ZFPM2: variants seen among roughly 807,000 people sequenced by gnomAD.
The protein encoded by ZFPM2 is zinc finger protein, FOG family member 2.
In ZFPM2, 20 loss-of-function variants were observed where a neutral mutation model predicts 98.6. The observed-to-expected ratio is 0.20, with a 90% confidence interval of 0.14 to 0.29. The LOEUF (loss-of-function observed/expected upper bound fraction) is 0.29. Among genes scored for constraint, ZFPM2 ranks in the 10% least tolerant of loss-of-function variants. The pLI is 1.00. For synonymous variants in ZFPM2, 518 were observed against 502.7 expected (o/e 1.03, Z -0.41); for missense variants, 1,310 against 1,388.6 (o/e 0.94, Z 0.90).
At chr8:105,548,308 T>C (rs1814759816) in intron 3 of ZFPM2, among the ~76,000 whole-genome samples, 1 of 152,132 alleles carries the variant, frequency 6.6e-6, no homozygotes, top group Admixed American at 6.6e-5. Context: ...TAAGTTTTTC[T>C]AATAAGAAAA....
At chr8:105,791,462 CT>C (rs1227700342) in intron 6 of ZFPM2, among the ~76,000 whole-genome samples, 1 of 151,942 alleles carries the variant, frequency 6.6e-6, no homozygotes, top group African/African-American at 2.4e-5. Context: ...GGTGGATAAG[CT>C]TTTTGATGTG....
At chr8:105,505,729 G>C (rs1228281193) in intron 3 of ZFPM2, among the ~76,000 whole-genome samples, 1 of 151,966 alleles carries the variant, frequency 6.6e-6, no homozygotes, top group African/African-American at 2.4e-5. Flanking sequence ...TTAAGCTAAT[G>C]ATTAATCACT....
chr8:105,692,014 A>G (rs1481739908), intron 5 of ZFPM2, among the ~76,000 whole-genome samples: 1 of 152,228 alleles, frequency 6.6e-6, no homozygotes, highest in Admixed American at 6.5e-5. Flanking sequence ...TTGATCTGAA[A>G]ACATTTTTAG....
chr8:105,776,456 C>G (rs1813107570), intron 5 of ZFPM2, among the ~76,000 whole-genome samples: 1 of 152,160 alleles, frequency 6.6e-6, no homozygotes, highest in Non-Finnish European at 1.5e-5. Flanking sequence ...AAAGAGGATA[C>G]TGTAATTTAG....
intron 3 of ZFPM2, among the ~76,000 whole-genome samples, chr8:105,541,097 T>A (rs1046433992): frequency 2.0e-5 from 3 of 152,124 alleles, no homozygotes; most frequent in Admixed American, 6.6e-5. Flanking sequence ...AGGCAGCTGG[T>A]GCTTGTTTGT....
At chr8:105,475,056 A>G (rs1812985044) in intron 3 of ZFPM2, among the ~76,000 whole-genome samples, 1 of 152,218 alleles carries the variant, frequency 6.6e-6, no homozygotes, top group African/African-American at 2.4e-5. Context: ...ATGGAAAAAC[A>G]TTGGCTAAAA....
chr8:105,779,334 T>C (rs1377331339), intron 5 of ZFPM2, among the ~76,000 whole-genome samples: 1 of 152,236 alleles, frequency 6.6e-6, no homozygotes, highest in East Asian at 1.9e-4. Context: ...CCCCCGTAGC[T>C]GTGCTAGAGG....
intron 5 of ZFPM2, among the ~76,000 whole-genome samples, chr8:105,700,041 G>C (rs182611682): frequency 1.5e-3 from 227 of 152,222 alleles, no homozygotes; most frequent in African/African-American, 4.7e-3. Context: ...GCTTATATTT[G>C]ATCAACCATA....
intron 5 of ZFPM2, among the ~76,000 whole-genome samples, chr8:105,673,262 A>AT (rs368759700): frequency 0.044 from 4,757 of 107,372 alleles, 76 homozygotes; most frequent in Admixed American, 0.065. Context: ...ATCAAGTCTC[A>AT]TTTTTTTTTT....
intron 6 of ZFPM2, among the ~76,000 whole-genome samples, chr8:105,794,389 A>C (rs1813725508): frequency 6.6e-6 from 1 of 152,190 alleles, no homozygotes; most frequent in Admixed American, 6.5e-5. Flanking sequence ...TCTGCAGAAC[A>C]GTGGTTTTTC....
In ZFPM2 at chr8:105,802,087, G is replaced by C. The variant is rs1814040695; in HGVS notation, c.2005G>C (p.Asp669His). Residue 669 changes from aspartate to histidine, a missense_variant, in exon 8 of 8, where the codon GAT becomes CAT. Asp to His is a moderately conservative substitution (Grantham distance 81). Transcript: ENST00000407775. ...NDDKINGKPVDVKNPSVPLVD... is the reference protein window; with the variant it reads ...NDDKINGKPVHVKNPSVPLVD... ...TGACAAAATTAATGGAAAACCTGTT[G>C]ATGTGAAAAATCCCAGTGTCCCCTT... The C allele has an allele frequency of 6.2e-7, 1 of 1,613,758 alleles. No individual in the cohort carries two copies. Among genetic ancestry groups the C allele is most frequent in the Non-Finnish European group, 8.5e-7 (1 of 1,179,844 alleles).
At chr8:105,381,672 T>G (rs1810892616) in intron 1 of ZFPM2, among the ~76,000 whole-genome samples, 1 of 152,158 alleles carries the variant, frequency 6.6e-6, no homozygotes, top group Non-Finnish European at 1.5e-5. Context: ...ATAATATTAA[T>G]AGCTTAAAGA....
chr8:105,320,084 G>C (rs1382908776), intron 1 of ZFPM2, among the ~76,000 whole-genome samples: 1 of 152,080 alleles, frequency 6.6e-6, no homozygotes, highest in African/African-American at 2.4e-5. Context: ...GTAATTTAAG[G>C]ATAAGACTTT....
chr8:105,695,087 A>T (rs779893422), intron 5 of ZFPM2, among the ~76,000 whole-genome samples: 11 of 152,184 alleles, frequency 7.2e-5, no homozygotes, highest in Non-Finnish European at 1.5e-4. Flanking sequence ...TCTACATAGG[A>T]TCAGCATTGA....
At position 105,741,722 on chromosome 8, in the gene ZFPM2, G is replaced by A. The variant is rs528106264; in HGVS notation, c.533-46996G>A. Among the ~76,000 whole-genome samples the A allele has an allele frequency of 3.3e-5, 5 of 151,114 alleles. No homozygotes were observed. The South Asian group carries it at 8.3e-4, about 25-fold the overall frequency. ...TGGATAGGGAAATGTATGATTGCTGGAAAACAATACTGAACCATTTACTGT... is the reference window on the plus strand; with the variant it reads ...TGGATAGGGAAATGTATGATTGCTGAAAAACAATACTGAACCATTTACTGT... On this transcript the variant is annotated intron_variant, in intron 5 of 7. Coordinates refer to ENST00000407775, the MANE Select transcript of ZFPM2 (RefSeq NM_012082.4).
intron 5 of ZFPM2, among the ~76,000 whole-genome samples, chr8:105,693,954 ATTTTTTTCTTTTC>A (rs1230123871): frequency 3.3e-4 from 44 of 132,204 alleles, no homozygotes; most frequent in Admixed American, 4.4e-4. Flanking sequence ...TATTATCCAA[ATTTTTTTCTTTTC>A]TTTTTTTCTT....
chr8:105,572,038 T>TTC (rs1554618347), intron 4 of ZFPM2, among the ~76,000 whole-genome samples: 4 of 124,790 alleles, frequency 3.2e-5, no homozygotes, highest in African/African-American at 1.3e-4. Flanking sequence ...AATTTCTTTT[T>TTC]TTTTTTTTTT....
Position 105,318,831 on chromosome 8 carries a change from GGCC to G in ZFPM2, c.-109_-107del. 1.2e-5 allele frequency: 7 copies of G among 599,384 alleles called. No individual in the cohort carries two copies. Among genetic ancestry groups the G allele is most frequent in the South Asian group, 7.1e-5 (1 of 14,140 alleles). 37.1% of individuals were successfully genotyped at this position (599,384 alleles called of 1,614,324 possible). A position where few individuals can be genotyped will look rare whatever the true frequency, so the allele number is the denominator to read the frequency against. On this transcript the variant is annotated 5_prime_UTR_variant, in exon 1 of 8. Transcript: ENST00000407775. The stretch of plus-strand genomic sequence containing the variant: ...AGCACCTGGAGTCCGGCCGGCGGCG[GGCC>G]GAGCCTGGCCAGCGGCGGCGGCGGC...
intron 3 of ZFPM2, among the ~76,000 whole-genome samples, chr8:105,492,159 G>A (rs922478578): frequency 1.3e-5 from 2 of 152,036 alleles, no homozygotes; most frequent in African/African-American, 4.8e-5. Flanking sequence ...ATTCAAATAT[G>A]TTTCTGTTTT....
Sources: gnomAD v4.1 joint callset for allele counts (sites outside exome capture counted in the v4.1 genomes callset) on GRCh38, gnomAD v4.1.1 for gene constraint, MANE v1.5 for transcripts, NCBI Gene and HGNC (gene_info 2026-07-23, HGNC 2026-07-21) for gene names.